Variants in SPMAP2L observed in about 807,000 individuals in gnomAD.
The protein encoded by SPMAP2L is sperm microtubule associated protein 2 like.
the SPMAP2L span, chr4:56,593,897 G>T: frequency 9.3e-6 from 15 of 1,609,774 alleles, no homozygotes; most frequent in African/African-American, 1.3e-5. Context: ...AGTACATAAT[G>T]CCACTTTGAT....
the SPMAP2L span, among the ~76,000 whole-genome samples, chr4:56,621,695 T>C: frequency 6.6e-6 from 1 of 152,214 alleles, no homozygotes; most frequent in African/African-American, 2.4e-5. Flanking sequence ...CTGATAAAGA[T>C]AGAGACAATG....
At chr4:56,574,494 A>G in the SPMAP2L span, among the ~76,000 whole-genome samples, 15 of 152,194 alleles carry the variant, frequency 9.9e-5, no homozygotes, top group Non-Finnish European at 1.6e-4. Flanking sequence ...AACAAGCCCC[A>G]ATAATGATTA....
chr4:56,561,817 G>A, the SPMAP2L span, among the ~76,000 whole-genome samples: 7 of 152,128 alleles, frequency 4.6e-5, no homozygotes, highest in South Asian at 4.1e-4. Context: ...CTCCACCTCC[G>A]GGTTCAAGCG....
the SPMAP2L span, among the ~76,000 whole-genome samples, chr4:56,561,851 G>A: frequency 1.3e-5 from 2 of 152,148 alleles, no homozygotes; most frequent in South Asian, 4.2e-4. Flanking sequence ...AACCTCCTGA[G>A]TAGCTGGGAT....
At chr4:56,612,988 A>G in the SPMAP2L span, among the ~76,000 whole-genome samples, 2 of 152,064 alleles carry the variant, frequency 1.3e-5, no homozygotes, top group Non-Finnish European at 2.9e-5. Context: ...CAAACCTCTA[A>G]GCGGAGTCCC....
chr4:56,563,570 ATAT>A, the SPMAP2L span, among the ~76,000 whole-genome samples: 2 of 152,094 alleles, frequency 1.3e-5, no homozygotes, highest in Admixed American at 6.6e-5. Context: ...AAGGATGAAG[ATAT>A]TATTATTTAC....
the SPMAP2L span, among the ~76,000 whole-genome samples, chr4:56,569,865 G>A: frequency 6.6e-6 from 1 of 152,028 alleles, no homozygotes; most frequent in East Asian, 1.9e-4. Context: ...TATCATGCCG[G>A]GAAGTGGAAG....
chr4:56,540,806 G>A, the SPMAP2L span, among the ~76,000 whole-genome samples: 3 of 152,284 alleles, frequency 2.0e-5, no homozygotes, highest in South Asian at 6.2e-4. Context: ...ACATTTTGGG[G>A]ACAGAAAGTG....
At chr4:56,535,997 A>C in the SPMAP2L span, among the ~76,000 whole-genome samples, 1 of 152,362 alleles carries the variant, frequency 6.6e-6, no homozygotes, top group Admixed American at 6.5e-5. Context: ...TAGATCCCTC[A>C]CATGCGCACG....
chr4:56,615,349 C>A, the SPMAP2L span, among the ~76,000 whole-genome samples: 1 of 152,200 alleles, frequency 6.6e-6, no homozygotes. Flanking sequence ...AAAGTACCTG[C>A]GATCAGTCAT....
chr4:56,549,461 G>T, the SPMAP2L span, among the ~76,000 whole-genome samples: 1 of 151,884 alleles, frequency 6.6e-6, no homozygotes, highest in Non-Finnish European at 1.5e-5. Context: ...ATTCAAGTAC[G>T]GTAGCTAATG....
chr4:56,605,045 G>T, the SPMAP2L span, among the ~76,000 whole-genome samples: 7 of 152,064 alleles, frequency 4.6e-5, no homozygotes, highest in Admixed American at 4.6e-4. Flanking sequence ...TTACATAATG[G>T]GTACAGTGTA....
At chr4:56,576,551 A>C in the SPMAP2L span, among the ~76,000 whole-genome samples, 2 of 152,324 alleles carry the variant, frequency 1.3e-5, no homozygotes, top group South Asian at 4.1e-4. Context: ...TCATCCCTGC[A>C]AGTTTTCAAG....
At chr4:56,596,548 A>G in the SPMAP2L span, 2 of 1,533,206 alleles carry the variant, frequency 1.3e-6, no homozygotes, top group Admixed American at 4.0e-5. Flanking sequence ...TGCAACTCCA[A>G]GAATTATAGA....
the SPMAP2L span, among the ~76,000 whole-genome samples, chr4:56,550,762 T>C: frequency 6.6e-6 from 1 of 152,156 alleles, no homozygotes; most frequent in South Asian, 2.1e-4. Context: ...AATTGTGCCA[T>C]CTCCATTATC....
At chr4:56,596,396 T>G in the SPMAP2L span, 2 of 1,167,956 alleles carry the variant, frequency 1.7e-6, no homozygotes, top group East Asian at 3.0e-5. Context: ...TCTGCTGGAG[T>G]GTTGAGAAGT....
the SPMAP2L span, among the ~76,000 whole-genome samples, chr4:56,585,225 A>C: frequency 4.6e-5 from 7 of 152,160 alleles, no homozygotes; most frequent in Non-Finnish European, 7.4e-5. Flanking sequence ...CCACTCATAA[A>C]ATTAGATTCT....
chr4:56,604,777 A>G, the SPMAP2L span, among the ~76,000 whole-genome samples: 1 of 152,260 alleles, frequency 6.6e-6, no homozygotes, highest in Non-Finnish European at 1.5e-5. Context: ...CAACAAGTGG[A>G]TAAAGAGAGT....
At chr4:56,579,892 A>G in the SPMAP2L span, among the ~76,000 whole-genome samples, 1 of 152,238 alleles carries the variant, frequency 6.6e-6, no homozygotes, top group African/African-American at 2.4e-5. Context: ...TCAAGAAGAA[A>G]TAGACAATCT....
Sources: allele counts gnomAD v4.1 joint callset (sites outside exome capture counted in the v4.1 genomes callset), GRCh38; gene constraint gnomAD v4.1.1; transcripts MANE v1.5; gene names NCBI Gene and HGNC (gene_info 2026-07-23, HGNC 2026-07-21).